Variants in GPLD1 observed in about 807,000 individuals in gnomAD.
GPLD1 encodes the protein glycosylphosphatidylinositol specific phospholipase D1.
A neutral mutation model predicts 112.6 loss-of-function variants in GPLD1; 84 were observed. That is an observed-to-expected ratio of 0.75 (90% CI 0.63 to 0.89). GPLD1 has a LOEUF of 0.89. Among genes scored for constraint, GPLD1 ranks in the 40% least tolerant of loss-of-function variants. The pLI is 0.00. For synonymous variants in GPLD1, 386 were observed against 403.8 expected, an observed-to-expected ratio of 0.96 and a Z score of 0.53; for missense variants, 1,044 against 1,051.5, an observed-to-expected ratio of 0.99 and a Z score of 0.10.
intron 1 of GPLD1, among the ~76,000 whole-genome samples, chr6:24,487,746 A>G (rs1448087876): frequency 1.3e-5 from 2 of 152,202 alleles, no homozygotes; most frequent in African/African-American, 4.8e-5. Context: ...GATGGCTGGA[A>G]CTAGAACCTA....
intron 15 of GPLD1, among the ~76,000 whole-genome samples, chr6:24,449,092 T>C (rs1763000207): frequency 6.6e-6 from 1 of 151,642 alleles, no homozygotes; most frequent in South Asian, 2.1e-4. Flanking sequence ...AAGTGACATG[T>C]CACTCCTAAA....
chr6:24,430,359 G>A (rs1762363933), intron 24 of GPLD1, among the ~76,000 whole-genome samples: 1 of 152,164 alleles, frequency 6.6e-6, no homozygotes, highest in Non-Finnish European at 1.5e-5. Context: ...GTTGCTGTCT[G>A]ACCTCGTTTG....
intron 3 of GPLD1, among the ~76,000 whole-genome samples, chr6:24,476,573 G>C (rs569805790): frequency 1.3e-5 from 2 of 152,296 alleles, no homozygotes; most frequent in East Asian, 1.9e-4. Context: ...ATAGAGGCTA[G>C]AATTGTTTCC....
intron 5 of GPLD1, among the ~76,000 whole-genome samples, chr6:24,474,174 T>TACACACACACACACACACACACACACAC (rs56324939): frequency 6.9e-6 from 1 of 145,536 alleles, no homozygotes; most frequent in African/African-American, 2.6e-5. Context: ...CACACCCACA[T>TACACACACACACACACACACACACACAC]ACACACACAC....
upstream of GPLD1, among the ~76,000 whole-genome samples, chr6:24,493,860 AG>A (rs1412368663): frequency 1.3e-5 from 2 of 152,258 alleles, no homozygotes; most frequent in Non-Finnish European, 2.9e-5. Flanking sequence ...TCAACGCTGT[AG>A]GAGTTGAGAA....
chr6:24,432,151 G>A (rs1383229370), intron 24 of GPLD1, among the ~76,000 whole-genome samples: 1 of 150,846 alleles, frequency 6.6e-6, no homozygotes, highest in Non-Finnish European at 1.5e-5. Flanking sequence ...GGAGGCTGAG[G>A]TTGGAGGATC....
chr6:24,451,507 T>C (rs965088750), intron 14 of GPLD1, among the ~76,000 whole-genome samples: 2 of 152,124 alleles, frequency 1.3e-5, no homozygotes, highest in Non-Finnish European at 2.9e-5. Context: ...TCTGGCTAAT[T>C]TTGTATTTTT....
chr6:24,449,939 G>C (rs750402112), intron 14 of GPLD1, 40 bp from the exon 15 acceptor site: 3 of 1,361,536 alleles, frequency 2.2e-6, no homozygotes, highest in Non-Finnish European at 3.0e-6. Flanking sequence ...GCTGAGCCAC[G>C]GCCTCGGAAA....
rs1243307199 is a variant in GPLD1, at chr6:24,428,506, T to C, written c.*526A>G. 2.0e-5 allele frequency: 3 copies of C among 152,206 alleles called. No individual in the cohort carries two copies. The highest frequency in any genetic ancestry group is 7.2e-5 in the African/African-American group (3 of 41,458). The allele number at this position is 152,206 out of a possible 1,614,324, so 9.4% of individuals were successfully genotyped here. A position where few individuals can be genotyped will look rare whatever the true frequency, so the allele number is the denominator to read the frequency against. Reference sequence around the variant, plus strand: ...AGTGTTTGGTTTTCTGTTCCTGCAATAGTTTATGAAGGATAATGGCCTCCA... The same window carrying C: ...AGTGTTTGGTTTTCTGTTCCTGCAACAGTTTATGAAGGATAATGGCCTCCA... On this transcript the variant is annotated 3_prime_UTR_variant, in exon 25 of 25. Transcript: ENST00000230036.
Position 24,446,889 on chromosome 6 carries a change from T to C in GPLD1, c.1769A>G (p.Asp590Gly), listed in dbSNP as rs767199054. The part of the protein sequence containing the change: ...FGYSLHGVTV[D>G]NRTLLLVGSP... ...CCCAACCAACAGCAAGGTTCTGTTGTCCACAGTGACACCGTGAAGGGAATA... is the reference window on the plus strand; with the variant it reads ...CCCAACCAACAGCAAGGTTCTGTTGCCCACAGTGACACCGTGAAGGGAATA... Residue 590 changes from aspartate to glycine, a missense_variant, in exon 18 of 25, where the codon GAC becomes GGC. Coordinates refer to ENST00000230036, the MANE Select transcript of GPLD1 (RefSeq NM_001503.4). The C allele has an allele frequency of 4.3e-6, 7 of 1,613,898 alleles. No homozygotes were observed. The Admixed American group carries it at 5.0e-5, about 12-fold the overall frequency.
intron 14 of GPLD1, among the ~76,000 whole-genome samples, chr6:24,450,947 G>A (rs1480679620): frequency 2.0e-5 from 3 of 152,156 alleles, no homozygotes; most frequent in Admixed American, 6.5e-5. Context: ...ACTCCAGCCT[G>A]GGCAACAGAA....
chr6:24,468,794 C>T (rs2817231), intron 7 of GPLD1, among the ~76,000 whole-genome samples: 137,298 of 152,212 alleles, frequency 0.9, 62,677 homozygotes, highest in African/African-American at 0.98. Context: ...AACTGGCCAA[C>T]AGCCATTTCG....
chr6:24,429,572 G>C (rs947123133), intron 24 of GPLD1, among the ~76,000 whole-genome samples: 63 of 152,182 alleles, frequency 4.1e-4, no homozygotes, highest in African/African-American at 1.4e-3. Flanking sequence ...TTTTGAAACA[G>C]AGTCTTGCCC....
intron 7 of GPLD1, among the ~76,000 whole-genome samples, chr6:24,470,003 A>T (rs1449548568): frequency 6.6e-6 from 1 of 152,150 alleles, no homozygotes. Context: ...GACAGCAGAA[A>T]TTTTTCAAAG....
intron 14 of GPLD1, among the ~76,000 whole-genome samples, chr6:24,451,788 C>A (rs916698453): frequency 6.6e-6 from 1 of 152,178 alleles, no homozygotes; most frequent in East Asian, 1.9e-4. Context: ...AAGTGCTGCC[C>A]CTTTCTGTAA....
At position 24,443,452 on chromosome 6, in the gene GPLD1, G is replaced by A. The variant is rs182953681; in HGVS notation, c.2020+2094C>T. ...CTGCCCTCAGCTTTCCTTCTGGGTG[G>A]CAAATGCAGTTTGTCAGTTTGCCAA... On this transcript the variant is annotated intron_variant, in intron 20 of 24. Transcript: ENST00000230036. 7.9e-5 allele frequency among the ~76,000 whole-genome samples: 12 copies of A among 152,258 alleles called. No individual in the cohort carries two copies. In the East Asian group the frequency reaches 2.1e-3, roughly 27 times the overall value.
At chr6:24,492,534 GA>G (rs1324668924), upstream of GPLD1, among the ~76,000 whole-genome samples, 12 of 142,672 alleles carry the variant, frequency 8.4e-5, no homozygotes, top group East Asian at 1.2e-3. Flanking sequence ...AAAAGTGAAA[GA>G]AAAAAAAGAA....
At chr6:24,467,820 GA>G (rs1199807197) in intron 7 of GPLD1, among the ~76,000 whole-genome samples, 1 of 151,930 alleles carries the variant, frequency 6.6e-6, no homozygotes, top group Non-Finnish European at 1.5e-5. Context: ...AAACTAAAGG[GA>G]AAAGTCAAGC....
Position 24,470,797 on chromosome 6 carries a change from C to T in GPLD1, c.545+1785G>A, listed in dbSNP as rs532100200. Among the ~76,000 whole-genome samples the T allele has an allele frequency of 1.4e-4, 21 of 152,164 alleles. No individual in the cohort carries two copies. In the South Asian group the frequency reaches 1.5e-3, roughly 11 times the overall value. ...TAGTTTTAGTAGAGACAGGGTTTAA[C>T]CATGTTGGCCAGGCTGATCTCGAAC... On this transcript the variant is annotated intron_variant, in intron 7 of 24. Coordinates refer to ENST00000230036, the MANE Select transcript of GPLD1 (RefSeq NM_001503.4).
Sources: gnomAD v4.1 joint callset for allele counts (sites outside exome capture counted in the v4.1 genomes callset) on GRCh38, gnomAD v4.1.1 for gene constraint, MANE v1.5 for transcripts, NCBI Gene and HGNC (gene_info 2026-07-23, HGNC 2026-07-21) for gene names.